The following JRK variants were observed in gnomAD, a reference collection of about 807,000 sequenced individuals.
The protein encoded by JRK is jerky protein homolog.
For synonymous variants in JRK, 303 were observed against 218.1 expected, an observed-to-expected ratio of 1.39 and a Z score of -3.43; for missense variants, 720 against 509.2, an observed-to-expected ratio of 1.41 and a Z score of -3.98.
At chr8:142,647,973 G>A in the JRK span, among the ~76,000 whole-genome samples, 1 of 152,226 alleles carries the variant, frequency 6.6e-6, no homozygotes, top group Non-Finnish European at 1.5e-5. Flanking sequence ...GAGCTAGTTG[G>A]GAACTGGAGT....
intron 1 of JRK, among the ~76,000 whole-genome samples, chr8:142,668,157 C>T (rs1172871191): frequency 3.3e-5 from 5 of 152,254 alleles, no homozygotes; most frequent in African/African-American, 1.2e-4. Flanking sequence ...CCTCCCGCGT[C>T]CTTACCATAG....
chr8:142,669,644 T>C (rs1249452814), intron 1 of JRK, among the ~76,000 whole-genome samples: 4 of 151,830 alleles, frequency 2.6e-5, no homozygotes, highest in African/African-American at 9.7e-5. Flanking sequence ...AGGCCAGGCC[T>C]GGCGGCAAGG....
chr8:142,662,489 G>A lies in JRK; in HGVS notation c.*1863C>T, dbSNP rs371759566. ...GTACATGATGTGCAGAAGTTCCCCA[G>A]ACAATGAAGCAAACAGTGCGGGTGA... On this transcript the variant is annotated 3_prime_UTR_variant, in exon 2 of 2. Transcript: ENST00000612905. The A allele has an allele frequency of 1.0e-6, 1 of 985,292 alleles. No individual in the cohort carries two copies. The highest frequency in any genetic ancestry group is 6.1e-5 in the Admixed American group (1 of 16,268). The allele number at this position is 985,292 out of a possible 1,614,324, so 61.0% of individuals were successfully genotyped here.
At position 142,663,715 on chromosome 8, in the gene JRK, T is replaced by A. The variant is rs927729099; in HGVS notation, c.*637A>T. On this transcript the variant is annotated 3_prime_UTR_variant, in exon 2 of 2. Transcript: ENST00000612905. The stretch of plus-strand genomic sequence containing the variant: ...TGGGGCCAGAGCCCATGGGACAGGA[T>A]CTGCGGGTAACAGAGGATGGTTCCA... 2.4e-5 allele frequency: 24 copies of A among 985,314 alleles called. No homozygotes were observed. The African/African-American group carries it at 3.8e-4, about 16-fold the overall frequency. The allele number at this position is 985,314 out of a possible 1,614,324, so 61.0% of individuals were successfully genotyped here.
At chr8:142,650,949 C>G in the JRK span, among the ~76,000 whole-genome samples, 67 of 152,286 alleles carry the variant, frequency 4.4e-4, 1 homozygote, top group East Asian at 9.5e-3. Flanking sequence ...ACAGAGGTTT[C>G]TCCCCCAAAG....
intron 1 of JRK, among the ~76,000 whole-genome samples, chr8:142,669,201 C>T (rs4428653): frequency 0.012 from 589 of 47,978 alleles, 4 homozygotes; most frequent in Middle Eastern, 0.083. Context: ...TGTGTGTGTG[C>T]GTGTGTGTGT....
At position 142,662,327 on chromosome 8, in the gene JRK, C is replaced by T; in HGVS notation, c.*2025G>A. 1 of 985,644 alleles carries T rather than the reference C, an allele frequency of 1.0e-6. No individual in the cohort carries two copies. The highest frequency in any genetic ancestry group is 1.2e-6 in the Non-Finnish European group (1 of 830,080). 61.1% of individuals were successfully genotyped at this position (985,644 alleles called of 1,614,324 possible). A position where few individuals can be genotyped will look rare whatever the true frequency, so the allele number is the denominator to read the frequency against. On this transcript the variant is annotated 3_prime_UTR_variant, in exon 2 of 2. Transcript: ENST00000612905. ...CTGCCCATGCCCTCCCCAGCTCCAC[C>T]CACCCAGGATGTCCTACTGTTTCAG...
chr8:142,651,783 G>T, the JRK span, among the ~76,000 whole-genome samples: 1 of 152,110 alleles, frequency 6.6e-6, no homozygotes, highest in South Asian at 2.1e-4. Flanking sequence ...AGACCAGCTG[G>T]CTGTTAATTT....
chr8:142,649,819 C>CCA, the JRK span, among the ~76,000 whole-genome samples: 2 of 152,228 alleles, frequency 1.3e-5, no homozygotes, highest in East Asian at 1.9e-4. Flanking sequence ...GTGGGAGCCC[C>CCA]CACACACAGT....
chr8:142,667,868 A>C (rs1229154719), intron 1 of JRK, among the ~76,000 whole-genome samples: 6 of 152,242 alleles, frequency 3.9e-5, no homozygotes, highest in African/African-American at 1.4e-4. Context: ...AACTCTGCGA[A>C]ACACCCCACA....
Position 142,659,501 on chromosome 8 carries a change from TAGGGCCCAGCCATGGCC to T in JRK, c.*4834_*4850del. ...GGCCGTGCTGACAGGCTCTCTGCGA[TAGGGCCCAGCCATGGCC>T]AGTGGGCCTCCCACAATCTGCCCCT... On this transcript the variant is annotated 3_prime_UTR_variant, in exon 2 of 2. Coordinates refer to ENST00000612905, the MANE Select transcript of JRK (RefSeq NM_003724.4). 1 of 986,256 alleles carries T rather than the reference TAGGGCCCAGCCATGGCC, an allele frequency of 1.0e-6. No homozygotes were observed. The highest frequency in any genetic ancestry group is 1.2e-6 in the Non-Finnish European group (1 of 830,486). 61.1% of individuals were successfully genotyped at this position (986,256 alleles called of 1,614,324 possible). A position where few individuals can be genotyped will look rare whatever the true frequency, so the allele number is the denominator to read the frequency against.
downstream of JRK, among the ~76,000 whole-genome samples, chr8:142,656,474 T>TTTAAATGCTGCCCTGGACA (rs1285156941): frequency 2.0e-5 from 3 of 151,750 alleles, no homozygotes; most frequent in Non-Finnish European, 4.4e-5. Flanking sequence ...ATTGTTCTGT[T>TTTAAATGCTGCCCTGGACA]TAAACTGCTT....
At position 142,658,972 on chromosome 8, in the gene JRK, T is replaced by C. The variant is rs782708299; in HGVS notation, c.*5380A>G. On this transcript the variant is annotated 3_prime_UTR_variant, in exon 2 of 2. Coordinates refer to ENST00000612905, the MANE Select transcript of JRK (RefSeq NM_003724.4). ...GAAACAACAGAACTTTGCTGCTTCA[T>C]GGAGGAGCGTCAGTATGTCCACACC... is the stretch of plus-strand genomic sequence containing the variant. 4.5e-5 allele frequency: 72 copies of C among 1,606,460 alleles called. No homozygotes were observed. Among genetic ancestry groups the C allele is most frequent in the Non-Finnish European group, 6.0e-5 (71 of 1,176,302 alleles).
chr8:142,647,638 T>C, the JRK span, among the ~76,000 whole-genome samples: 10 of 152,340 alleles, frequency 6.6e-5, no homozygotes, highest in East Asian at 1.7e-3. Flanking sequence ...TCCCCAGCCA[T>C]GTGGAGCTGT....
chr8:142,651,108 T>C, the JRK span, among the ~76,000 whole-genome samples: 1 of 151,906 alleles, frequency 6.6e-6, no homozygotes, highest in Admixed American at 6.6e-5. Flanking sequence ...GAAACTAGAA[T>C]TGAGTCAACT....
the JRK span, among the ~76,000 whole-genome samples, chr8:142,646,786 TATA>T: frequency 1.4e-4 from 21 of 152,376 alleles, no homozygotes; most frequent in South Asian, 3.9e-3. Context: ...AGCTCTTTTA[TATA>T]TTTTCAGTAG....
Position 142,662,641 on chromosome 8 carries a change from C to T in JRK, c.*1711G>A, listed in dbSNP as rs1846951652. The stretch of plus-strand genomic sequence containing the variant: ...AAGCAAGAAACACACACTTCCAGGA[C>T]ATAGATAGGGCTCTGTCAGCAATGA... On this transcript the variant is annotated 3_prime_UTR_variant, in exon 2 of 2. Coordinates refer to ENST00000612905, the MANE Select transcript of JRK (RefSeq NM_003724.4). 1.0e-6 allele frequency: 1 copy of T among 985,352 alleles called. No individual in the cohort carries two copies. Among genetic ancestry groups the T allele is most frequent in the Non-Finnish European group, 1.2e-6 (1 of 829,932 alleles). 61.0% of individuals were successfully genotyped at this position (985,352 alleles called of 1,614,324 possible).
Position 142,665,224 on chromosome 8 carries a change from C to A in JRK, c.835G>T (p.Val279Leu). ...DWFHHIFVPS[V>L]REHFRTIGLP... is the part of the protein sequence containing the mutation. ...CCTATGGTTCTGAAGTGCTCTCTCA[C>A]CGAGGGCACAAAGATATGATGGAAC... is the stretch of plus-strand genomic sequence containing the variant. Residue 279 changes from valine (V) to leucine (L), a missense_variant, in exon 2 of 2, where the codon GTG becomes TTG. Coordinates refer to ENST00000612905, the MANE Select transcript of JRK (RefSeq NM_003724.4). 1 of 717,958 alleles carries A rather than the reference C, an allele frequency of 1.4e-6. No homozygotes were observed. The highest frequency in any genetic ancestry group is 2.3e-4 in the Middle Eastern group (1 of 4,370). The allele number at this position is 717,958 out of a possible 1,614,324, so 44.5% of individuals were successfully genotyped here. A position where few individuals can be genotyped will look rare whatever the true frequency, so the allele number is the denominator to read the frequency against.
Position 142,660,933 on chromosome 8 carries a change from AGTCCTCCAACCCCAGCGAGCTGGG to A in JRK, c.*3395_*3418del. 1 of 985,492 alleles carries A rather than the reference AGTCCTCCAACCCCAGCGAGCTGGG, an allele frequency of 1.0e-6. No homozygotes were observed. Among genetic ancestry groups the A allele is most frequent in the Non-Finnish European group, 1.2e-6 (1 of 829,968 alleles). The allele number at this position is 985,492 out of a possible 1,614,324, so 61.0% of individuals were successfully genotyped here. A position where few individuals can be genotyped will look rare whatever the true frequency, so the allele number is the denominator to read the frequency against. ...ACTTTAACTGGGGACAACTGATGAC[AGTCCTCCAACCCCAGCGAGCTGGG>A]GAAGCCGTGGGCAGGGGCTGCGACT... On this transcript the variant is annotated 3_prime_UTR_variant, in exon 2 of 2. Coordinates refer to ENST00000612905, the MANE Select transcript of JRK (RefSeq NM_003724.4).
Sources: gnomAD v4.1 joint callset for allele counts (sites outside exome capture counted in the v4.1 genomes callset) on GRCh38, gnomAD v4.1.1 for gene constraint, MANE v1.5 for transcripts, NCBI Gene and HGNC (gene_info 2026-07-23, HGNC 2026-07-21) for gene names.